Variants in SPIDR observed in about 807,000 individuals in gnomAD.
SPIDR encodes the protein scaffold protein involved in DNA repair.
In SPIDR, 93 loss-of-function variants were observed where a neutral mutation model predicts 104.6. That is an observed-to-expected ratio of 0.89 (90% CI 0.75 to 1.06). SPIDR has a LOEUF of 1.06. Among genes scored for constraint, SPIDR ranks in the 50% least tolerant of loss-of-function variants. The pLI is 0.00. For synonymous variants in SPIDR, 431 were observed against 416.9 expected (o/e 1.03, Z -0.41); for missense variants, 1,154 against 1,111.2 (o/e 1.04, Z -0.55).
At chr8:47,582,429 G>A (rs1438866533) in intron 8 of SPIDR, among the ~76,000 whole-genome samples, 1 of 152,172 alleles carries the variant, frequency 6.6e-6, no homozygotes, top group Non-Finnish European at 1.5e-5. Flanking sequence ...GTTGCTAGGA[G>A]GGTATTTCAC....
chr8:47,634,036 A>G lies in SPIDR; in HGVS notation c.1544+34840A>G, dbSNP rs191013217. On this transcript the variant is annotated intron_variant, in intron 10 of 19. Transcript: ENST00000297423. ...ATTGAGCCTAGGAGATTGAGGCTGC[A>G]GTGAGCCAAGATCGTGCCACTGCAC... Among the ~76,000 whole-genome samples the G allele has an allele frequency of 5.4e-3, 818 of 151,994 alleles. 5 individuals carry two copies. The highest frequency in any genetic ancestry group is 0.018 in the African/African-American group (749 of 41,454).
rs956918806 is a variant in SPIDR, at chr8:47,716,755, G to A, written c.2341+3114G>A. On this transcript the variant is annotated intron_variant, in intron 16 of 19. Coordinates refer to ENST00000297423, the MANE Select transcript of SPIDR (RefSeq NM_001080394.4). ...GATTTGTCAAGTAGAGTTGGGCAAG[G>A]CTGTAAGAGCAGGTGGAAGGGCACA... is the stretch of plus-strand genomic sequence containing the variant. Among the ~76,000 whole-genome samples, 55 of 152,250 alleles carry A rather than the reference G, an allele frequency of 3.6e-4. 1 individual carries two copies. The highest frequency in any genetic ancestry group is 3.0e-3 in the Admixed American group (46 of 15,288).
chr8:47,463,404 C>G (rs551483509), intron 8 of SPIDR, among the ~76,000 whole-genome samples: 1 of 151,608 alleles, frequency 6.6e-6, no homozygotes, highest in South Asian at 2.1e-4. Context: ...TGAAGAAAGA[C>G]TCGCTATCAG....
chr8:47,296,994 G>A (rs2040966337), intron 5 of SPIDR, among the ~76,000 whole-genome samples: 1 of 152,128 alleles, frequency 6.6e-6, no homozygotes, highest in East Asian at 1.9e-4. Flanking sequence ...CGATGCTACT[G>A]TAAACGGGAT....
At chr8:47,418,417 C>T (rs940619457) in intron 7 of SPIDR, among the ~76,000 whole-genome samples, 2 of 151,962 alleles carry the variant, frequency 1.3e-5, no homozygotes, top group African/African-American at 4.8e-5. Context: ...GGATGTGGCT[C>T]TCTGTTTGTT....
chr8:47,410,074 C>CCTT (rs1554670153), intron 7 of SPIDR, among the ~76,000 whole-genome samples: 1 of 152,036 alleles, frequency 6.6e-6, no homozygotes, highest in Admixed American at 6.6e-5. Flanking sequence ...TTAGCAATTG[C>CCTT]CTTCTCTCAC....
chr8:47,342,683 A>G (rs1017209115), intron 5 of SPIDR, among the ~76,000 whole-genome samples: 2 of 152,074 alleles, frequency 1.3e-5, no homozygotes, highest in Non-Finnish European at 2.9e-5. Context: ...TTTAGCACAC[A>G]TTGTACACTC....
chr8:47,416,536 A>G (rs1329143699), intron 7 of SPIDR, among the ~76,000 whole-genome samples: 2 of 152,162 alleles, frequency 1.3e-5, no homozygotes, highest in Non-Finnish European at 2.9e-5. Context: ...TCTGGGATAA[A>G]TGATCAAGAT....
intron 1 of SPIDR, among the ~76,000 whole-genome samples, chr8:47,272,677 C>T (rs1247639901): frequency 2.6e-5 from 4 of 152,054 alleles, no homozygotes; most frequent in South Asian, 2.1e-4. Flanking sequence ...TTCCTGGGCA[C>T]GTGCGTAGTG....
At chr8:47,480,239 T>G (rs1025692265) in intron 8 of SPIDR, among the ~76,000 whole-genome samples, 2 of 152,188 alleles carry the variant, frequency 1.3e-5, no homozygotes, top group African/African-American at 2.4e-5. Flanking sequence ...GGATTTAATG[T>G]CTAAAGTAGA....
At chr8:47,352,712 G>T (rs16925237) in intron 5 of SPIDR, among the ~76,000 whole-genome samples, 3 of 152,028 alleles carry the variant, frequency 2.0e-5, no homozygotes, top group African/African-American at 7.3e-5. Flanking sequence ...TCTGGGAGAC[G>T]CAAAATTTAA....
At chr8:47,427,284 A>T (rs553086936) in intron 7 of SPIDR, among the ~76,000 whole-genome samples, 1 of 149,888 alleles carries the variant, frequency 6.7e-6, no homozygotes. Flanking sequence ...AAGGATTACC[A>T]TTGGAAAAGG....
chr8:47,530,006 T>G (rs2085680300), intron 8 of SPIDR, among the ~76,000 whole-genome samples: 2 of 152,180 alleles, frequency 1.3e-5, no homozygotes, highest in African/African-American at 4.8e-5. Flanking sequence ...ATTAGGTGAT[T>G]TCATCATTAT....
chr8:47,643,145 G>C (rs2154448068), intron 10 of SPIDR, among the ~76,000 whole-genome samples: 1 of 152,010 alleles, frequency 6.6e-6, no homozygotes, highest in African/African-American at 2.4e-5. Flanking sequence ...GGTTTATAAA[G>C]GCCTTAAAAC....
chr8:47,642,992 A>G (rs2069446595), intron 10 of SPIDR, among the ~76,000 whole-genome samples: 1 of 152,260 alleles, frequency 6.6e-6, no homozygotes, highest in Non-Finnish European at 1.5e-5. Flanking sequence ...GATCTTAATC[A>G]TACATATGGA....
At chr8:47,280,335 A>G (rs1161756576) in intron 2 of SPIDR, among the ~76,000 whole-genome samples, 2 of 149,646 alleles carry the variant, frequency 1.3e-5, no homozygotes, top group East Asian at 2.0e-4. Context: ...CCTTCAGGCT[A>G]TCTTGCCTCA....
chr8:47,661,381 C>CT (rs2074077709), intron 10 of SPIDR, among the ~76,000 whole-genome samples: 1 of 152,226 alleles, frequency 6.6e-6, no homozygotes, highest in Admixed American at 6.5e-5. Context: ...GCAGAGAAGT[C>CT]GCCTGCAGCC....
chr8:47,700,214 G>A (rs547229767), intron 11 of SPIDR, among the ~76,000 whole-genome samples, 189 bp from the exon 12 acceptor site: 1 of 152,276 alleles, frequency 6.6e-6, no homozygotes, highest in African/African-American at 2.4e-5. Flanking sequence ...TTCCTGTTGT[G>A]CAGTTGGTTT....
chr8:47,489,892 A>G (rs1235142368), intron 8 of SPIDR, among the ~76,000 whole-genome samples: 2 of 152,130 alleles, frequency 1.3e-5, no homozygotes, highest in Non-Finnish European at 2.9e-5. Context: ...CTAAAACCAT[A>G]AAAACCCTAG....
Sources: allele counts gnomAD v4.1 joint callset (sites outside exome capture counted in the v4.1 genomes callset), GRCh38; gene constraint gnomAD v4.1.1; transcripts MANE v1.5; gene names NCBI Gene and HGNC (gene_info 2026-07-23, HGNC 2026-07-21).